The following AGTPBP1 variants were observed in gnomAD, a reference collection of about 807,000 sequenced individuals.
AGTPBP1 encodes cytosolic carboxypeptidase 1.
Under a neutral mutation model 143.9 loss-of-function variants are expected in AGTPBP1, and 70 were observed. The ratio of observed to expected loss-of-function variants is 0.49; its 90% CI spans 0.40 to 0.59. The LOEUF (loss-of-function observed/expected upper bound fraction) is 0.59. Ranked by LOEUF, AGTPBP1 falls within the 20% of genes least tolerant of loss-of-function variation. AGTPBP1 has a pLI of 0.00. For missense variants in AGTPBP1, 1,229 were observed against 1,464.5 expected (o/e 0.84, Z 2.62); for synonymous variants, 463 against 500.2 (o/e 0.93, Z 0.99).
At chr9:85,735,605 T>C (rs1839192535) in intron 1 of AGTPBP1, among the ~76,000 whole-genome samples, 1 of 152,164 alleles carries the variant, frequency 6.6e-6, no homozygotes, top group African/African-American at 2.4e-5. Context: ...ATGAACCTTG[T>C]GTTAAAAATT....
chr9:85,555,574 G>A (rs1004629145), intron 25 of AGTPBP1, among the ~76,000 whole-genome samples: 3 of 152,160 alleles, frequency 2.0e-5, no homozygotes, highest in Admixed American at 2.0e-4. Context: ...ACTCCAGCCT[G>A]GCGACAGAAT....
the AGTPBP1 span, chr9:85,770,488 A>C: frequency 6.5e-7 from 1 of 1,536,136 alleles, no homozygotes; most frequent in Non-Finnish European, 9.0e-7. Flanking sequence ...ATATTTCAAT[A>C]AGGTTTGTTT....
chr9:85,793,896 AT>A, the AGTPBP1 span, among the ~76,000 whole-genome samples: 1 of 152,158 alleles, frequency 6.6e-6, no homozygotes, highest in Non-Finnish European at 1.5e-5. Flanking sequence ...TGGCATCTAT[AT>A]GTAAATGCTA....
intron 21 of AGTPBP1, 47 bp from the exon 22 acceptor site, chr9:85,587,007 A>G (rs1278607937): frequency 1.2e-6 from 2 of 1,606,960 alleles, no homozygotes; most frequent in African/African-American, 1.3e-5. Context: ...GTACCCATAA[A>G]CCCTTATATA....
chr9:85,778,021 A>G, the AGTPBP1 span, among the ~76,000 whole-genome samples: 1 of 152,194 alleles, frequency 6.6e-6, no homozygotes, highest in South Asian at 2.1e-4. Flanking sequence ...TCCCCTGTCA[A>G]CTGATCATAG....
intron 23 of AGTPBP1, among the ~76,000 whole-genome samples, chr9:85,584,594 GT>G (rs1413023872): frequency 6.6e-6 from 1 of 152,104 alleles, no homozygotes; most frequent in Admixed American, 6.5e-5. Context: ...TTTGCTTCCA[GT>G]TTTGCTACTG....
the AGTPBP1 span, chr9:85,753,286 T>C: frequency 4.3e-6 from 7 of 1,613,246 alleles, no homozygotes; most frequent in Admixed American, 1.2e-4. Flanking sequence ...ATAAGGTGTT[T>C]TCAATTTCTT....
intron 4 of AGTPBP1, among the ~76,000 whole-genome samples, chr9:85,680,281 A>T (rs1346811979): frequency 6.6e-6 from 1 of 152,026 alleles, no homozygotes; most frequent in Non-Finnish European, 1.5e-5. Flanking sequence ...CCCCATTTGG[A>T]CTTTAAAAAC....
At chr9:85,611,707 G>A (rs1209741881) in intron 17 of AGTPBP1, among the ~76,000 whole-genome samples, 1 of 152,134 alleles carries the variant, frequency 6.6e-6, no homozygotes, top group Admixed American at 6.5e-5. Context: ...GGGGGACAGA[G>A]TCTCACTATG....
intron 11 of AGTPBP1, among the ~76,000 whole-genome samples, chr9:85,650,548 A>G (rs1833101195): frequency 6.6e-6 from 1 of 152,200 alleles, no homozygotes; most frequent in Non-Finnish European, 1.5e-5. Flanking sequence ...GTTATCAGTA[A>G]GGTTTCTGGT....
chr9:85,742,688 G>A (rs1824443748), upstream of AGTPBP1, among the ~76,000 whole-genome samples: 1 of 152,178 alleles, frequency 6.6e-6, no homozygotes, highest in South Asian at 2.1e-4. Flanking sequence ...GAAGGCAAAG[G>A]CGGAATGTTT....
chr9:85,708,564 A>G (rs1837166025), intron 2 of AGTPBP1, among the ~76,000 whole-genome samples: 1 of 152,240 alleles, frequency 6.6e-6, no homozygotes, highest in Admixed American at 6.5e-5. Context: ...TTTTTGAGAC[A>G]GATCACTCTT....
intron 23 of AGTPBP1, among the ~76,000 whole-genome samples, chr9:85,583,886 A>C (rs933238245): frequency 1.3e-5 from 2 of 152,142 alleles, no homozygotes; most frequent in Admixed American, 1.3e-4. Flanking sequence ...ATAACATAGA[A>C]AACCTCACAA....
rs78113959 is a variant in AGTPBP1, at chr9:85,558,514, T to C, written c.3504-11228A>G. Among the ~76,000 whole-genome samples, 1,196 of 152,322 alleles carry C rather than the reference T, an allele frequency of 7.9e-3. 9 individuals are homozygous for C. The highest frequency in any genetic ancestry group is 8.4e-3 in the Non-Finnish European group (572 of 68,030). On this transcript the variant is annotated intron_variant, in intron 25 of 25. Coordinates refer to ENST00000357081, the MANE Select transcript of AGTPBP1 (RefSeq NM_001330701.2). ...TCAATTAAAAACTAGATCCAAATAG[T>C]ATTTTTGATTATATGTCAGTAATTA...
intron 17 of AGTPBP1, among the ~76,000 whole-genome samples, chr9:85,604,676 C>A (rs962992735): frequency 2.6e-5 from 4 of 152,098 alleles, no homozygotes; most frequent in African/African-American, 9.7e-5. Context: ...AATATGTGAT[C>A]TTTCAGACAG....
chr9:85,768,653 C>G, the AGTPBP1 span, among the ~76,000 whole-genome samples: 1 of 151,952 alleles, frequency 6.6e-6, no homozygotes, highest in African/African-American at 2.4e-5. Context: ...TTATTTTATT[C>G]CTTATGGAGC....
At chr9:85,675,108 G>A (rs1834742114) in intron 6 of AGTPBP1, among the ~76,000 whole-genome samples, 1 of 152,056 alleles carries the variant, frequency 6.6e-6, no homozygotes, top group African/African-American at 2.4e-5. Context: ...ATGCTGGCCA[G>A]GCTGACCTCA....
intron 25 of AGTPBP1, among the ~76,000 whole-genome samples, chr9:85,568,596 A>G (rs1468491615): frequency 6.6e-6 from 1 of 152,208 alleles, no homozygotes; most frequent in African/African-American, 2.4e-5. Flanking sequence ...TGACTAGTGC[A>G]TGCAAAGAAG....
At chr9:85,618,117 G>A (rs1475533609) in intron 17 of AGTPBP1, among the ~76,000 whole-genome samples, 1 of 151,848 alleles carries the variant, frequency 6.6e-6, no homozygotes, top group East Asian at 1.9e-4. Flanking sequence ...GCACGCACCT[G>A]TAGTGCTTGG....
Sources: gnomAD v4.1 joint callset for allele counts (sites outside exome capture counted in the v4.1 genomes callset) on GRCh38, gnomAD v4.1.1 for gene constraint, MANE v1.5 for transcripts, NCBI Gene and HGNC (gene_info 2026-07-23, HGNC 2026-07-21) for gene names.